SLC16A3: variants seen among roughly 807,000 people sequenced by gnomAD.
The protein encoded by SLC16A3 is monocarboxylate transporter 4.
A neutral mutation model predicts 25.0 loss-of-function variants in SLC16A3; 22 were observed. The observed-to-expected ratio is 0.88, with a 90% CI of 0.63 to 1.26. SLC16A3 has a LOEUF of 1.26. Among genes scored for constraint, SLC16A3 ranks in the 50% most tolerant of loss-of-function variants. SLC16A3 has a pLI of 0.00. For missense variants in SLC16A3, 731 were observed against 666.6 expected, an observed-to-expected ratio of 1.10 and a Z score of -1.06; for synonymous variants, 390 against 309.2, an observed-to-expected ratio of 1.26 and a Z score of -2.74.
chr17:82,236,609 GC>G, intron 2 of SLC16A3, 119 bp from the exon 3 acceptor site: 1 of 1,426,876 alleles, frequency 7.0e-7, no homozygotes, highest in Non-Finnish European at 9.5e-7. Context: ...TGCCCCTGGT[GC>G]CCCGCGGGGG....
chr17:82,223,760 C>T (rs1265925678), upstream of SLC16A3, among the ~76,000 whole-genome samples: 1 of 152,050 alleles, frequency 6.6e-6, no homozygotes, highest in Non-Finnish European at 1.5e-5. Context: ...GAGGTCCCCA[C>T]ACTTCTTTCT....
intron 1 of SLC16A3, among the ~76,000 whole-genome samples, chr17:82,222,421 A>C (rs2050394959): frequency 6.6e-6 from 1 of 152,248 alleles, no homozygotes; most frequent in South Asian, 2.1e-4. Context: ...AACAGCCAAA[A>C]GGTGGAGATG....
At position 82,238,761 on chromosome 17, in the gene SLC16A3, G is replaced by A; in HGVS notation, c.1183G>A (p.Val395Met). ...MYVFILAGAEVLTSSLILLLG... is the reference protein window; with the variant it reads ...MYVFILAGAEMLTSSLILLLG... ...CGTGTTCATCCTGGCGGGGGCCGAG[G>A]TGCTCACCTCCTCCCTGATTTTGCT... Residue 395 changes from valine to methionine, a missense_variant, in exon 5 of 5, where the codon GTG becomes ATG. Physicochemically the swap from Val to Met is conservative, Grantham distance 21 (BLOSUM62 1). Transcript: ENST00000582743. 6.2e-7 allele frequency: 1 copy of A among 1,612,704 alleles called. No individual in the cohort carries two copies. Among genetic ancestry groups the A allele is most frequent in the South Asian group, 1.1e-5 (1 of 91,054 alleles).
At position 82,237,486 on chromosome 17, in the gene SLC16A3, T is replaced by A. The variant is rs780314042; in HGVS notation, c.716T>A (p.Val239Glu). 6.2e-7 allele frequency: 1 copy of A among 1,610,598 alleles called. No individual in the cohort carries two copies. Among genetic ancestry groups the A allele is most frequent in the South Asian group, 1.1e-5 (1 of 90,970 alleles). Residue 239 changes from valine (V) to glutamate (E), a missense_variant, in exon 4 of 5, where the codon GTG becomes GAG. By Grantham distance (121) the Val-to-Glu change is moderately radical. Transcript: ENST00000582743. ...VLYAVAASVM[V>E]LGLFVPPVFV... is the part of the protein sequence containing the mutation. ...TACGCCGTGGCCGCCTCGGTCATGG[T>A]GCTGGGGCTCTTCGTCCCGCCCGTG...
chr17:82,236,594 C>T (rs994985385), intron 2 of SLC16A3, 135 bp from the exon 3 acceptor site: 41 of 1,323,368 alleles, frequency 3.1e-5, no homozygotes, highest in South Asian at 1.6e-4. Flanking sequence ...AGCCTGCCCA[C>T]GGGGTGCCCC....
intron 1 of SLC16A3, chr17:82,234,046 T>C (rs913653722): frequency 0.017 from 985 of 57,774 alleles, 5 homozygotes; most frequent in Middle Eastern, 0.044. Context: ...TTCACCGTGT[T>C]AGCCAGGATG....
At position 82,229,055 on chromosome 17, in the gene SLC16A3, A is replaced by AGAGGCGGCGAGAGGCGGGCT. The variant is rs1181809633; in HGVS notation, c.-61_-60insGCTGAGGCGGCGAGAGGCGG. 1 of 14,156 alleles carries AGAGGCGGCGAGAGGCGGGCT rather than the reference A, an allele frequency of 7.1e-5. No individual in the cohort carries two copies. The highest frequency in any genetic ancestry group is 1.1e-4 in the Non-Finnish European group (1 of 9,006). 0.9% of individuals were successfully genotyped at this position (14,156 alleles called of 1,614,324 possible). On this transcript the variant is annotated 5_prime_UTR_variant, in exon 1 of 5. Coordinates refer to ENST00000582743, the MANE Select transcript of SLC16A3 (RefSeq NM_004207.4). ...GCGGAGCGGACCGGCAGAGGCGGGC[A>AGAGGCGGCGAGAGGCGGGCT]GAGGCGGCGAGAGGCGGCGAGAGGC... is the stretch of plus-strand genomic sequence containing the variant.
Position 82,239,415 on chromosome 17 carries a change from T to C in SLC16A3, c.*439T>C. 1 of 173,056 alleles carries C rather than the reference T, an allele frequency of 5.8e-6. No individual in the cohort carries two copies. The highest frequency in any genetic ancestry group is 6.3e-5 in the Admixed American group (1 of 15,824). The allele number at this position is 173,056 out of a possible 1,614,324, so 10.7% of individuals were successfully genotyped here. On this transcript the variant is annotated 3_prime_UTR_variant, in exon 5 of 5. Transcript: ENST00000582743. The stretch of plus-strand genomic sequence containing the variant: ...CCTGTGCCCACCCCTCTTGAGTGTC[T>C]TGGGGACAGCTCTTTCCACCCCTGG...
Position 82,234,812 on chromosome 17 carries a change from CGCTT to C in SLC16A3, c.-26-1168_-26-1165del, listed in dbSNP as rs143778382. The C allele has an allele frequency of 8.8e-3, 1,342 of 152,430 alleles. 17 individuals are homozygous for C. Among genetic ancestry groups the C allele is most frequent in the African/African-American group, 0.031 (1,289 of 41,572 alleles). 9.4% of individuals were successfully genotyped at this position (152,430 alleles called of 1,614,324 possible). ...CCACCGGGTCAGGGGTCTGCGGACACGCTTGCAGGAGGAACCCAAGGAAAGGGGG... is the reference window on the plus strand; with the variant it reads ...CCACCGGGTCAGGGGTCTGCGGACACGCAGGAGGAACCCAAGGAAAGGGGG... On this transcript the variant is annotated intron_variant, in intron 1 of 4. Coordinates refer to ENST00000582743, the MANE Select transcript of SLC16A3 (RefSeq NM_004207.4).
upstream of SLC16A3, among the ~76,000 whole-genome samples, chr17:82,224,260 G>A (rs1249106622): frequency 2.0e-5 from 1 of 49,918 alleles, no homozygotes; most frequent in Non-Finnish European, 3.5e-5. Flanking sequence ...AGTCACCTGT[G>A]CAGACACACC....
At chr17:82,233,795 T>A (rs2050539525) in intron 1 of SLC16A3, 1 of 152,288 alleles carries the variant, frequency 6.6e-6, no homozygotes, top group African/African-American at 2.4e-5. Context: ...TGACCCGCAG[T>A]CTGCGTCCTG....
Position 82,239,043 on chromosome 17 carries a change from T to C in SLC16A3, c.*67T>C. ...AGCCGGCAACGCTTGCTATTTATTT[T>C]ACAAACTGGACTGGCTCAGGCAGGG... On this transcript the variant is annotated 3_prime_UTR_variant, in exon 5 of 5. Coordinates refer to ENST00000582743, the MANE Select transcript of SLC16A3 (RefSeq NM_004207.4). 1.4e-6 allele frequency: 2 copies of C among 1,446,304 alleles called. No homozygotes were observed. Among genetic ancestry groups the C allele is most frequent in the South Asian group, 1.5e-5 (1 of 67,398 alleles). The allele number at this position is 1,446,304 out of a possible 1,614,324, so 89.6% of individuals were successfully genotyped here.
chr17:82,237,180 T>G lies in SLC16A3; in HGVS notation c.410T>G (p.Leu137Arg). Reference sequence around the variant, plus strand: ...AACTTCCAGCCCTCGCTCATCATGCTGAACCGCTACTTCAGCAAGCGGCGC... The same window carrying G: ...AACTTCCAGCCCTCGCTCATCATGCGGAACCGCTACTTCAGCAAGCGGCGC... ...ALNFQPSLIM[L>R]NRYFSKRRPM... The change falls in exon 4 of 5, where the codon CTG becomes CGG. Residue 137 changes from leucine (L) to arginine (R), a missense_variant. Physicochemically the swap from Leu to Arg is moderately radical, Grantham distance 102. Transcript: ENST00000582743. 1 of 1,526,080 alleles carries G rather than the reference T, an allele frequency of 6.6e-7. No individual in the cohort carries two copies. Among genetic ancestry groups the G allele is most frequent in the South Asian group, 1.3e-5 (1 of 78,108 alleles). 94.5% of individuals were successfully genotyped at this position (1,526,080 alleles called of 1,614,324 possible).
chr17:82,236,431 G>T, intron 2 of SLC16A3, 200 bp downstream of exon 2: 2 of 638,588 alleles, frequency 3.1e-6, no homozygotes, highest in Admixed American at 5.7e-5. Context: ...AGTCCATCCT[G>T]GCCCCTGTCC....
At chr17:82,225,021 T>C (rs974162802), upstream of SLC16A3, among the ~76,000 whole-genome samples, 2 of 152,164 alleles carry the variant, frequency 1.3e-5, no homozygotes, top group African/African-American at 4.8e-5. Context: ...TTTCTGACTT[T>C]GGGAGGCCAG....
At position 82,237,027 on chromosome 17, in the gene SLC16A3, A is replaced by G. The variant is rs1599559710; in HGVS notation, c.368-111A>G. 3.8e-5 allele frequency: 55 copies of G among 1,452,296 alleles called. No individual in the cohort carries two copies. In the East Asian group the frequency reaches 1.4e-3, roughly 36 times the overall value. The allele number at this position is 1,452,296 out of a possible 1,614,324, so 90.0% of individuals were successfully genotyped here. A position where few individuals can be genotyped will look rare whatever the true frequency, so the allele number is the denominator to read the frequency against. ...TCCCCCTCTCGAGTGGGTGGGTGGC[A>G]GGGGCTCTGCACCCTGGGAGCCTGA... On this transcript the variant is annotated intron_variant, in intron 3 of 4. Coordinates refer to ENST00000582743, the MANE Select transcript of SLC16A3 (RefSeq NM_004207.4).
intron 2 of SLC16A3, 153 bp from the exon 3 acceptor site, chr17:82,236,576 G>A (rs997464751): frequency 1.8e-5 from 20 of 1,122,968 alleles, no homozygotes; most frequent in African/African-American, 3.1e-5. Context: ...CATGGCCTGC[G>A]CTCGGGGAGC....
chr17:82,237,328 G>T lies in SLC16A3; in HGVS notation c.558G>T (p.Leu186=). 1.3e-6 allele frequency: 2 copies of T among 1,543,520 alleles called. No individual in the cohort carries two copies. Among genetic ancestry groups the T allele is most frequent in the Admixed American group, 2.0e-5 (1 of 50,706 alleles). Residue 186 remains leucine (L), a synonymous_variant, in exon 4 of 5, where the codon CTG becomes CTT. Transcript: ENST00000582743. ...GCGGCTTCCTCATCCTGGGCGGCCT[G>T]CTGCTCAACTGCTGCGTGTGTGCCG... ...WRGGFLILGG[L]LLNCCVCAAL...
At chr17:82,231,612 G>A (rs2050497319) in intron 1 of SLC16A3, 1 of 152,312 alleles carries the variant, frequency 6.6e-6, no homozygotes, top group Non-Finnish European at 1.5e-5. Flanking sequence ...TTGCGGAGAA[G>A]GGGTCTTCAA....
Sources: gnomAD v4.1 joint callset for allele counts (sites outside exome capture counted in the v4.1 genomes callset) on GRCh38, gnomAD v4.1.1 for gene constraint, MANE v1.5 for transcripts, NCBI Gene and HGNC (gene_info 2026-07-23, HGNC 2026-07-21) for gene names.